The following CXCL13 variants were observed in gnomAD, a reference collection of about 807,000 sequenced individuals.
CXCL13 encodes the protein C-X-C motif chemokine 13.
CXCL13 carries 7 observed loss-of-function variants against 12.2 expected under a neutral mutation model. The ratio of observed to expected loss-of-function variants is 0.57; its 90% CI spans 0.33 to 1.07. The LOEUF is 1.07. Ranked by LOEUF, CXCL13 falls within the 50% of genes least tolerant of loss-of-function variation. CXCL13 has a pLI of 0.04. For synonymous variants in CXCL13, 47 were observed against 42.4 expected, an observed-to-expected ratio of 1.11 and a Z score of -0.42; for missense variants, 113 against 127.4, an observed-to-expected ratio of 0.89 and a Z score of 0.55.
chr4:77,567,503 G>C (rs114991846), intron 1 of CXCL13, among the ~76,000 whole-genome samples: 2,224 of 152,296 alleles, frequency 0.015, 38 homozygotes, highest in Admixed American at 0.051. Context: ...TTGCCCCTAC[G>C]TGAGGAACTC....
intron 1 of CXCL13, among the ~76,000 whole-genome samples, chr4:77,587,655 T>C (rs1726506101): frequency 6.6e-6 from 1 of 152,222 alleles, no homozygotes; most frequent in Admixed American, 6.5e-5. Context: ...TTGACTACCA[T>C]TTCAAAGATT....
At chr4:77,526,064 T>C (rs1018733782) in intron 1 of CXCL13, among the ~76,000 whole-genome samples, 16 of 152,064 alleles carry the variant, frequency 1.1e-4, no homozygotes, top group Admixed American at 6.6e-5. Context: ...TTTCTAGAGG[T>C]ATCACTGTGG....
At chr4:77,560,711 T>G (rs1725791263) in intron 1 of CXCL13, among the ~76,000 whole-genome samples, 1 of 152,166 alleles carries the variant, frequency 6.6e-6, no homozygotes, top group African/African-American at 2.4e-5. Flanking sequence ...TCTGTTCCCT[T>G]CAACAGATTG....
At chr4:77,514,803 T>C (rs544399967) in intron 1 of CXCL13, among the ~76,000 whole-genome samples, 1 of 152,102 alleles carries the variant, frequency 6.6e-6, no homozygotes, top group Non-Finnish European at 1.5e-5. Flanking sequence ...AGAAGCTCTT[T>C]AGTTTAATTA....
intron 1 of CXCL13, among the ~76,000 whole-genome samples, chr4:77,512,235 G>T (rs1457732490): frequency 6.6e-6 from 1 of 152,180 alleles, no homozygotes; most frequent in Non-Finnish European, 1.5e-5. Context: ...CCATCTCTCA[G>T]TTTAGTGTAG....
chr4:77,559,502 C>T (rs1578053517), intron 1 of CXCL13, among the ~76,000 whole-genome samples: 1 of 152,136 alleles, frequency 6.6e-6, no homozygotes, highest in South Asian at 2.1e-4. Flanking sequence ...GGGGCAATAG[C>T]TTCTTCATTC....
chr4:77,583,554 G>A (rs947548357), intron 1 of CXCL13, among the ~76,000 whole-genome samples: 1 of 152,250 alleles, frequency 6.6e-6, no homozygotes, highest in South Asian at 2.1e-4. Context: ...CCTTCTGCAC[G>A]TCAATGTGGG....
chr4:77,586,386 G>A (rs1726459793), intron 1 of CXCL13, among the ~76,000 whole-genome samples: 1 of 152,116 alleles, frequency 6.6e-6, no homozygotes, highest in South Asian at 2.1e-4. Context: ...TGGCAGGATG[G>A]TTCTTTCCAT....
At chr4:77,603,809 G>A (rs1726943515), upstream of CXCL13, among the ~76,000 whole-genome samples, 1 of 152,188 alleles carries the variant, frequency 6.6e-6, no homozygotes, top group Non-Finnish European at 1.5e-5. Context: ...AGACAGACAG[G>A]CAGGCTATTT....
chr4:77,526,026 TA>T (rs543579411), intron 1 of CXCL13, among the ~76,000 whole-genome samples: 2 of 151,914 alleles, frequency 1.3e-5, no homozygotes, highest in Non-Finnish European at 2.9e-5. Context: ...AAAAAGCATT[TA>T]AAAAAACTCC....
chr4:77,576,910 A>C (rs1409739204), intron 1 of CXCL13, among the ~76,000 whole-genome samples: 1 of 152,200 alleles, frequency 6.6e-6, no homozygotes, highest in East Asian at 1.9e-4. Flanking sequence ...ATGTTTCCAA[A>C]CTTATCATAC....
chr4:77,589,579 A>G (rs1726559202), intron 1 of CXCL13, among the ~76,000 whole-genome samples: 1 of 152,170 alleles, frequency 6.6e-6, no homozygotes. Flanking sequence ...TAGTACATAT[A>G]GGGTTCTGTA....
Position 77,571,559 on chromosome 4 carries a change from G to A in CXCL13, c.-42-34265G>A, listed in dbSNP as rs562671007. 5.7e-4 allele frequency among the ~76,000 whole-genome samples: 86 copies of A among 151,902 alleles called. 2 individuals are homozygous for A. Among genetic ancestry groups the A allele is most frequent in the Admixed American group, 1.6e-3 (25 of 15,288 alleles). On this transcript the variant is annotated intron_variant, in intron 1 of 4. Transcript: ENST00000286758. ...TGGGGCCTTGGAGAACCTGTGTGTC[G>A]AAACTGTGTATCTAACTAATCTGAT...
At chr4:77,559,610 T>TGTGA (rs1392866308) in intron 1 of CXCL13, among the ~76,000 whole-genome samples, 2 of 151,822 alleles carry the variant, frequency 1.3e-5, no homozygotes, top group African/African-American at 4.8e-5. Flanking sequence ...TGTGTGTGTG[T>TGTGA]GATTGAAAGT....
chr4:77,561,994 G>C (rs1415309070), intron 1 of CXCL13, among the ~76,000 whole-genome samples: 1 of 152,186 alleles, frequency 6.6e-6, no homozygotes, highest in East Asian at 1.9e-4. Context: ...GGCAAGCAGT[G>C]AGGAGCTTAG....
intron 1 of CXCL13, among the ~76,000 whole-genome samples, chr4:77,552,960 C>T (rs1204138227): frequency 6.6e-6 from 1 of 152,202 alleles, no homozygotes; most frequent in African/African-American, 2.4e-5. Context: ...CCCCGCTGCA[C>T]CACCATCTAT....
At chr4:77,560,420 T>C (rs1324979478) in intron 1 of CXCL13, among the ~76,000 whole-genome samples, 1 of 152,224 alleles carries the variant, frequency 6.6e-6, no homozygotes, top group Non-Finnish European at 1.5e-5. Flanking sequence ...CCACTGTTCT[T>C]GATCAAGCCC....
At chr4:77,516,658 C>CTTTATCAT (rs1724428567) in intron 1 of CXCL13, among the ~76,000 whole-genome samples, 1 of 152,068 alleles carries the variant, frequency 6.6e-6, no homozygotes, top group African/African-American at 2.4e-5. Context: ...GTGATATCCC[C>CTTTATCAT]TTTATCATTT....
At chr4:77,523,115 G>A (rs1425913959) in intron 1 of CXCL13, among the ~76,000 whole-genome samples, 2 of 152,112 alleles carry the variant, frequency 1.3e-5, no homozygotes. Flanking sequence ...TGGGTAACCC[G>A]ACCTTTCTCT....
Sources: gnomAD v4.1 joint callset for allele counts (sites outside exome capture counted in the v4.1 genomes callset) on GRCh38, gnomAD v4.1.1 for gene constraint, MANE v1.5 for transcripts, NCBI Gene and HGNC (gene_info 2026-07-23, HGNC 2026-07-21) for gene names.